Variants in CACNA1E observed in about 807,000 individuals in gnomAD.
The protein encoded by CACNA1E is calcium voltage-gated channel subunit alpha1 E.
In CACNA1E, 40 loss-of-function variants were observed where a neutral mutation model predicts 259.2. The ratio of observed to expected loss-of-function variants is 0.15; its 90% CI spans 0.12 to 0.20. The LOEUF (loss-of-function observed/expected upper bound fraction) is 0.20, where lower values mean the gene tolerates loss of function less well. Among genes scored for constraint, CACNA1E ranks in the 10% least tolerant of loss-of-function variants. The pLI is 1.00. For synonymous variants in CACNA1E, 1,104 were observed against 1,138.5 expected (o/e 0.97, Z 0.61); for missense variants, 1,874 against 3,040.1 (o/e 0.62, Z 9.02).
At chr1:181,513,049 A>G (rs1426196112) in intron 3 of CACNA1E, among the ~76,000 whole-genome samples, 1 of 152,228 alleles carries the variant, frequency 6.6e-6, no homozygotes, top group East Asian at 1.9e-4. Context: ...CAAAAAAAGA[A>G]AAGTATTGTA....
intron 2 of CACNA1E, among the ~76,000 whole-genome samples, chr1:181,439,192 T>C (rs576691513): frequency 6.6e-6 from 1 of 152,102 alleles, no homozygotes; most frequent in Non-Finnish European, 1.5e-5. Context: ...AGGCAGGGGG[T>C]TGAAGGGGGA....
chr1:181,550,243 G>A (rs1482643270), intron 3 of CACNA1E, among the ~76,000 whole-genome samples: 2 of 152,076 alleles, frequency 1.3e-5, no homozygotes, highest in African/African-American at 4.8e-5. Context: ...GTGTAGGGGA[G>A]GGTGGCTTTT....
At chr1:181,716,983 G>A in intron 10 of CACNA1E, 110 bp from the exon 11 acceptor site, 1 of 806,618 alleles carries the variant, frequency 1.2e-6, no homozygotes, top group Non-Finnish European at 2.1e-6. Flanking sequence ...CTGCAATGTG[G>A]CAGTCACCTT....
intron 3 of CACNA1E, among the ~76,000 whole-genome samples, chr1:181,550,094 C>T (rs577317553): frequency 2.2e-4 from 34 of 152,200 alleles, no homozygotes; most frequent in Middle Eastern, 3.4e-3. Flanking sequence ...AGTTAGGACA[C>T]CATCTTTACT....
intron 14 of CACNA1E, 69 bp from the exon 15 acceptor site, chr1:181,720,714 A>T (rs1233063071): frequency 2.2e-6 from 2 of 889,290 alleles, no homozygotes; most frequent in East Asian, 5.2e-5. Context: ...GAAAGCTGTG[A>T]TCTTGGGGAA....
At chr1:181,388,471 C>T (rs1046714425) in intron 1 of CACNA1E, among the ~76,000 whole-genome samples, 4 of 152,162 alleles carry the variant, frequency 2.6e-5, no homozygotes, top group Non-Finnish European at 4.4e-5. Context: ...TATAGCCTAT[C>T]GCTCCTAGGC....
intron 18 of CACNA1E, among the ~76,000 whole-genome samples, chr1:181,729,747 C>A (rs1655288216): frequency 6.6e-6 from 1 of 152,132 alleles, no homozygotes; most frequent in South Asian, 2.1e-4. Context: ...AGAGAGAATG[C>A]TCATGCTTGT....
chr1:181,727,930 A>T (rs1572716238), intron 18 of CACNA1E, among the ~76,000 whole-genome samples: 1 of 150,700 alleles, frequency 6.6e-6, no homozygotes, highest in East Asian at 2.0e-4. Context: ...GAAGCGGGGG[A>T]CCTCCCTCCT....
At chr1:181,342,387 T>C (rs1652228584) in intron 1 of CACNA1E, among the ~76,000 whole-genome samples, 1 of 152,054 alleles carries the variant, frequency 6.6e-6, no homozygotes, top group South Asian at 2.1e-4. Flanking sequence ...CCAAGAGACA[T>C]ATCAAACTGC....
intron 6 of CACNA1E, among the ~76,000 whole-genome samples, chr1:181,617,668 T>C (rs190013338): frequency 2.6e-5 from 4 of 152,336 alleles, no homozygotes; most frequent in African/African-American, 9.6e-5. Flanking sequence ...GTATATAGCA[T>C]GTTCTTTGCC....
rs1662069831 is a variant in CACNA1E at position 181,798,989 on chromosome 1, A to G, written c.*155A>G. ...AGAAGAGGAAGTAAAGGACAATCAG[A>G]ACACCAGTCAAACCCACCAAATTGC... On this transcript the variant is annotated 3_prime_UTR_variant, in exon 48 of 48. Coordinates refer to ENST00000367573, the MANE Select transcript of CACNA1E (RefSeq NM_001205293.3). The surrounding 1 kb of genome is among the most constrained non-coding windows in gnomAD (Gnocchi z 4.2). The G allele has an allele frequency of 1.6e-6, 1 of 638,900 alleles. No individual in the cohort carries two copies. The highest frequency in any genetic ancestry group is 1.8e-5 in the African/African-American group (1 of 54,664). The allele number at this position is 638,900 out of a possible 1,614,324, so 39.6% of individuals were successfully genotyped here.
At chr1:181,416,114 C>G (rs1415056828) in intron 2 of CACNA1E, among the ~76,000 whole-genome samples, 1 of 151,970 alleles carries the variant, frequency 6.6e-6, no homozygotes. Flanking sequence ...CTGGAAAGTC[C>G]TTGGACATGC....
intron 26 of CACNA1E, chr1:181,751,880 C>A: frequency 1.6e-6 from 1 of 608,732 alleles, no homozygotes. Flanking sequence ...CCTGTATGTT[C>A]CTCTGTGTGT....
intron 1 of CACNA1E, among the ~76,000 whole-genome samples, chr1:181,488,330 C>T (rs1218900169): frequency 2.6e-5 from 4 of 152,162 alleles, no homozygotes; most frequent in Non-Finnish European, 5.9e-5. Flanking sequence ...TGGCAGCTAA[C>T]AAGGATGAAG....
At chr1:181,424,313 G>A (rs1658991341) in intron 2 of CACNA1E, among the ~76,000 whole-genome samples, 1 of 152,222 alleles carries the variant, frequency 6.6e-6, no homozygotes, top group Non-Finnish European at 1.5e-5. Context: ...TTTGCTTTAA[G>A]ATGATCCTTT....
intron 1 of CACNA1E, among the ~76,000 whole-genome samples, chr1:181,490,813 T>TA (rs1664251179): frequency 6.6e-6 from 1 of 152,090 alleles, no homozygotes; most frequent in Non-Finnish European, 1.5e-5. Flanking sequence ...TGTAGCTGGA[T>TA]GGTAGGTAGC....
At chr1:181,605,145 G>A (rs989296962) in intron 6 of CACNA1E, among the ~76,000 whole-genome samples, 3 of 152,154 alleles carry the variant, frequency 2.0e-5, no homozygotes, top group East Asian at 1.9e-4. Context: ...ATACATTCAC[G>A]TGCTTAACTT....
chr1:181,559,252 C>T (rs1271960746), intron 3 of CACNA1E, among the ~76,000 whole-genome samples: 2 of 152,180 alleles, frequency 1.3e-5, no homozygotes, highest in African/African-American at 2.4e-5. Context: ...AATTTCACTC[C>T]ACTGTGTAAA....
At chr1:181,750,603 AT>A in intron 26 of CACNA1E, 116 bp downstream of exon 26, 2 of 929,680 alleles carry the variant, frequency 2.2e-6, no homozygotes, top group Non-Finnish European at 3.4e-6. Context: ...GTCAGTTTTT[AT>A]TTATATCCAA....
Sources: allele counts gnomAD v4.1 joint callset (sites outside exome capture counted in the v4.1 genomes callset), GRCh38; gene constraint gnomAD v4.1.1; non-coding constraint Gnocchi (gnomAD v3.1); transcripts MANE v1.5; gene names NCBI Gene and HGNC (gene_info 2026-07-23, HGNC 2026-07-21).